The following TESPA1 variants were observed in gnomAD, a reference collection of about 807,000 sequenced individuals.
The protein encoded by TESPA1 is protein TESPA1.
A neutral mutation model predicts 57.9 loss-of-function variants in TESPA1; 33 were observed. The ratio of observed to expected loss-of-function variants is 0.57; its 90% CI spans 0.43 to 0.76. The LOEUF (loss-of-function observed/expected upper bound fraction) is 0.76. Ranked by LOEUF, TESPA1 falls within the 30% of genes least tolerant of loss-of-function variation. The pLI is 0.00. For synonymous variants in TESPA1, 227 were observed against 228.9 expected, an observed-to-expected ratio of 0.99 and a Z score of 0.07; for missense variants, 618 against 632.9, an observed-to-expected ratio of 0.98 and a Z score of 0.25.
At chr12:54,972,700 G>T (rs1161388176) in intron 3 of TESPA1, among the ~76,000 whole-genome samples, 1 of 152,086 alleles carries the variant, frequency 6.6e-6, no homozygotes, top group East Asian at 1.9e-4. Flanking sequence ...AAACAACCTT[G>T]GATTATTTGG....
At chr12:54,959,293 C>T (rs1033983640) in intron 10 of TESPA1, among the ~76,000 whole-genome samples, 3 of 152,096 alleles carry the variant, frequency 2.0e-5, no homozygotes, top group Non-Finnish European at 4.4e-5. Flanking sequence ...TCCTTCAGGT[C>T]GGTTAGTCTC....
Position 54,976,828 on chromosome 12 carries a change from T to G in TESPA1, c.-45-2221A>C, listed in dbSNP as rs186634360. On this transcript the variant is annotated intron_variant, in intron 1 of 10. Transcript: ENST00000449076. ...GTGATATGAATCTATTTTACATTCCTCCCACATCTTCAAAAATATATCGCA... is the reference window on the plus strand; with the variant it reads ...GTGATATGAATCTATTTTACATTCCGCCCACATCTTCAAAAATATATCGCA... Among the ~76,000 whole-genome samples the G allele has an allele frequency of 1.8e-4, 27 of 152,322 alleles. No homozygotes were observed. In the East Asian group the frequency reaches 4.8e-3, roughly 27 times the overall value.
chr12:54,966,322 T>C, intron 6 of TESPA1, 66 bp downstream of exon 6: 1 of 1,609,610 alleles, frequency 6.2e-7, no homozygotes, highest in Non-Finnish European at 8.5e-7. Context: ...TTAATCTCTT[T>C]GACCTACCCC....
rs1291170084 is a variant in TESPA1 at position 54,962,679 on chromosome 12, C to T, written c.1219G>A (p.Ala407Thr). ...IEDPQWSTDP[A>T]QIRRELCSLP... is the part of the protein sequence containing the mutation. ...CTACACAGCTCTCTCCTTATCTGAG[C>T]TGGGTCTGTGCTCCACTGTGGATCT... Residue 407 changes from alanine to threonine, a missense_variant, in exon 9 of 11, where the codon GCT (alanine) becomes ACT (threonine). Physicochemically the swap from Ala to Thr is moderately conservative, Grantham distance 58. Coordinates refer to ENST00000449076, the MANE Select transcript of TESPA1 (RefSeq NM_001136030.3). The T allele has an allele frequency of 1.2e-6, 2 of 1,613,802 alleles. No homozygotes were observed. Among genetic ancestry groups the T allele is most frequent in the South Asian group, 2.2e-5 (2 of 91,086 alleles).
intron 1 of TESPA1, among the ~76,000 whole-genome samples, chr12:54,982,537 G>T (rs1436389600): frequency 2.0e-5 from 3 of 152,112 alleles, no homozygotes; most frequent in Non-Finnish European, 4.4e-5. Flanking sequence ...TTTAAGAAAG[G>T]CTTGTATAAT....
In TESPA1 at chr12:54,979,728, A is replaced by G. The variant is rs747589350; in HGVS notation, c.-46+4857T>C. Among the ~76,000 whole-genome samples the G allele has an allele frequency of 4.7e-4, 72 of 152,214 alleles. 1 individual carries two copies. The highest frequency in any genetic ancestry group is 2.3e-3 in the Admixed American group (35 of 15,288). ...TGAGTATCTTCCAACAAAAATTATT[A>G]TCAGAGGCAGTAACTGTAGCAGCGG... On this transcript the variant is annotated intron_variant, in intron 1 of 10. Coordinates refer to ENST00000449076, the MANE Select transcript of TESPA1 (RefSeq NM_001136030.3).
At position 54,957,110 on chromosome 12, in the gene TESPA1, GA is replaced by G. The variant is rs1950782719; in HGVS notation, c.*1+4057del. 3.3e-5 allele frequency among the ~76,000 whole-genome samples: 5 copies of G among 152,224 alleles called. No individual in the cohort carries two copies. In the South Asian group the frequency reaches 1.0e-3, roughly 32 times the overall value. ...AGAAAGGCACTCACCCTATGTGAAT[GA>G]ATTAGAAAAAAATGGAGCTCGCTCT... On this transcript the variant is annotated intron_variant, in intron 10 of 10. Coordinates refer to ENST00000449076, the MANE Select transcript of TESPA1 (RefSeq NM_001136030.3).
rs778105116 is a variant in TESPA1 at position 54,961,162 on chromosome 12, A to G, written c.*1+6T>C. On this transcript the variant is annotated splice_donor_region_variant and intron_variant, in intron 10 of 10. Transcript: ENST00000449076. Reference sequence around the variant, plus strand: ...TTTGAGAACTGCCTGAGAGAGGCCCACTTACTTCACGAGTCTTTGCCAGCA... The same window carrying G: ...TTTGAGAACTGCCTGAGAGAGGCCCGCTTACTTCACGAGTCTTTGCCAGCA... 1 of 1,613,786 alleles carries G rather than the reference A, an allele frequency of 6.2e-7. No homozygotes were observed. Among genetic ancestry groups the G allele is most frequent in the South Asian group, 1.1e-5 (1 of 91,056 alleles).
At chr12:54,973,869 C>T (rs1952003348) in intron 2 of TESPA1, 3 of 1,084,954 alleles carry the variant, frequency 2.8e-6, no homozygotes, top group Middle Eastern at 4.2e-4. Context: ...TTTTTGCTTC[C>T]TACCAAATAA....
rs62623446 is a variant in TESPA1 at position 54,974,507 on chromosome 12, C to T, written c.56G>A (p.Arg19His). The T allele has an allele frequency of 0.059, 94,842 of 1,599,472 alleles. 3,203 individuals are homozygous for T. The highest frequency in any genetic ancestry group is 0.071 in the Non-Finnish European group (82,795 of 1,172,650). Residue 19 changes from arginine (R) to histidine (H), a missense_variant, in exon 2 of 11, where the codon CGT becomes CAT. Coordinates refer to ENST00000449076, the MANE Select transcript of TESPA1 (RefSeq NM_001136030.3). ...CTGGGTCTGCCAGTTACGGCTCTGA[C>T]GGAGCCAGGCCCGCCGTTTCTCCCA... Reference protein sequence around the residue: ...TSWEKRRAWLRQSRNWQTQVL... With the variant: ...TSWEKRRAWLHQSRNWQTQVL...
At chr12:54,969,019 A>ATGTGTGTG (rs147959428) in intron 3 of TESPA1, among the ~76,000 whole-genome samples, 13,888 of 126,080 alleles carry the variant, frequency 0.11, 956 homozygotes, top group African/African-American at 0.14. Flanking sequence ...ATATTTATAT[A>ATGTGTGTG]TGTATATATA....
At chr12:54,965,983 G>T (rs1428295234) in intron 7 of TESPA1, 70 bp downstream of exon 7, 22 of 1,439,556 alleles carry the variant, frequency 1.5e-5, no homozygotes, top group Non-Finnish European at 2.1e-5. Flanking sequence ...ACAGGCAATG[G>T]CTCTTGGTTC....
At chr12:54,979,457 C>G (rs963407954) in intron 1 of TESPA1, among the ~76,000 whole-genome samples, 1 of 152,232 alleles carries the variant, frequency 6.6e-6, no homozygotes, top group African/African-American at 2.4e-5. Context: ...CATGTCCCCC[C>G]TCTGCTACCA....
At chr12:54,966,227 C>T in intron 6 of TESPA1, 76 bp from the exon 7 acceptor site, 2 of 1,561,436 alleles carry the variant, frequency 1.3e-6, no homozygotes, top group African/African-American at 1.4e-5. Flanking sequence ...CCCTGCTGGA[C>T]TTATTCACCC....
chr12:54,962,428 T>A lies in TESPA1; in HGVS notation c.1467+3A>T, dbSNP rs1951136854. ...GTCTCTCCCTCACCTCCAACCCACT[T>A]ACCTCCTCCAAGTCAAAAGTGTCCT... On this transcript the variant is annotated splice_donor_region_variant and intron_variant, in intron 9 of 10. Transcript: ENST00000449076. 6.2e-7 allele frequency: 1 copy of A among 1,609,026 alleles called. No individual in the cohort carries two copies.
intron 5 of TESPA1, among the ~76,000 whole-genome samples, chr12:54,966,911 A>T (rs1269823820): frequency 6.6e-6 from 1 of 152,170 alleles, no homozygotes. Flanking sequence ...AGCAAACATT[A>T]TAGTAATTTT....
intron 10 of TESPA1, among the ~76,000 whole-genome samples, chr12:54,952,614 A>G (rs776373302): frequency 6.6e-6 from 1 of 152,226 alleles, no homozygotes; most frequent in Non-Finnish European, 1.5e-5. Context: ...GTTATTGGAT[A>G]TTAACCAGTT....
intron 10 of TESPA1, among the ~76,000 whole-genome samples, chr12:54,954,722 T>A (rs1848688381): frequency 7.0e-6 from 1 of 142,462 alleles, no homozygotes; most frequent in South Asian, 2.9e-4. Context: ...TATAGAGAGA[T>A]GATGTCCACA....
rs766558070 is a variant in TESPA1 at position 54,966,357 on chromosome 12, A to G, written c.347+31T>C. The G allele has an allele frequency of 3.7e-6, 6 of 1,613,758 alleles. No homozygotes were observed. In the South Asian group the frequency reaches 5.5e-5, roughly 15 times the overall value. On this transcript the variant is annotated intron_variant, in intron 6 of 10. Coordinates refer to ENST00000449076, the MANE Select transcript of TESPA1 (RefSeq NM_001136030.3). ...CAATTCACTGATTCTTAAAGGAGAC[A>G]TCATTCACCCTGGCTGAACCTAACA...
Sources: allele counts gnomAD v4.1 joint callset (sites outside exome capture counted in the v4.1 genomes callset), GRCh38; gene constraint gnomAD v4.1.1; transcripts MANE v1.5; gene names NCBI Gene and HGNC (gene_info 2026-07-23, HGNC 2026-07-21).